The following ITGA8 variants were observed in gnomAD, a reference collection of about 807,000 sequenced individuals.
The protein encoded by ITGA8 is integrin alpha-8.
ITGA8 carries 91 observed loss-of-function variants against 142.3 expected under a neutral mutation model. The observed-to-expected ratio is 0.64, with a 90% CI of 0.54 to 0.76. The LOEUF (loss-of-function observed/expected upper bound fraction) is 0.76. ITGA8 is among the 30% of genes least tolerant of loss of function. The pLI, the probability that ITGA8 is intolerant of heterozygous loss-of-function variation, is 0.00. For synonymous variants in ITGA8, 505 were observed against 485.2 expected, an observed-to-expected ratio of 1.04 and a Z score of -0.54; for missense variants, 1,406 against 1,327.7, an observed-to-expected ratio of 1.06 and a Z score of -0.92.
chr10:15,655,545 G>T, intron 10 of ITGA8, 139 bp from the exon 11 acceptor site: 1 of 665,388 alleles, frequency 1.5e-6, no homozygotes, highest in Non-Finnish European at 2.7e-6. Flanking sequence ...AGTGGCCAGG[G>T]TCTTTTTGCC....
At chr10:15,691,018 A>G (rs1293899086) in intron 2 of ITGA8, among the ~76,000 whole-genome samples, 1 of 152,236 alleles carries the variant, frequency 6.6e-6, no homozygotes. Context: ...CCTGATTAAA[A>G]ATTAGTCAAA....
intron 21 of ITGA8, among the ~76,000 whole-genome samples, chr10:15,595,825 G>A (rs781367728): frequency 2.5e-4 from 38 of 152,218 alleles, no homozygotes; most frequent in Non-Finnish European, 4.6e-4. Flanking sequence ...CAGCACTTTC[G>A]GAGGCCAAGG....
intron 13 of ITGA8, among the ~76,000 whole-genome samples, chr10:15,620,793 A>C (rs1350866822): frequency 1.3e-5 from 2 of 152,232 alleles, no homozygotes; most frequent in African/African-American, 4.8e-5. Flanking sequence ...TACACACATA[A>C]GTATAGAAGT....
At chr10:15,554,872 C>G (rs1476633475) in intron 26 of ITGA8, among the ~76,000 whole-genome samples, 4 of 151,746 alleles carry the variant, frequency 2.6e-5, no homozygotes, top group African/African-American at 9.7e-5. Context: ...AAGCAAAAAC[C>G]TTTTTTGCAA....
chr10:15,538,713 T>C (rs1833505972), intron 27 of ITGA8, among the ~76,000 whole-genome samples: 1 of 152,082 alleles, frequency 6.6e-6, no homozygotes, highest in South Asian at 2.1e-4. Flanking sequence ...AATGACATCA[T>C]TTTTGTTCAG....
intron 13 of ITGA8, among the ~76,000 whole-genome samples, chr10:15,619,450 G>A (rs534458961): frequency 2.0e-5 from 3 of 152,070 alleles, no homozygotes; most frequent in Admixed American, 6.5e-5. Context: ...CAAATAAGTC[G>A]AACAGACGTC....
At chr10:15,684,663 G>A (rs1480559884) in intron 3 of ITGA8, among the ~76,000 whole-genome samples, 2 of 147,714 alleles carry the variant, frequency 1.4e-5, no homozygotes, top group Admixed American at 1.4e-4. Flanking sequence ...AAGAGCCACA[G>A]CACCTAGGCC....
chr10:15,681,096 A>C (rs78713041), intron 4 of ITGA8, among the ~76,000 whole-genome samples: 1,958 of 152,338 alleles, frequency 0.013, 47 homozygotes, highest in African/African-American at 0.044. Context: ...TGACCATGAG[A>C]GCCATAGGCA....
Position 15,668,854 on chromosome 10 carries a change from C to G in ITGA8, c.847+2749G>C, listed in dbSNP as rs12263159. ...AGAATGTTGACTATTGGTCCCCACT[C>G]TCTTCTGGCTAGTAGAGTTTCTGCT... On this transcript the variant is annotated intron_variant, in intron 8 of 29. Transcript: ENST00000378076. 3.3e-3 allele frequency among the ~76,000 whole-genome samples: 504 copies of G among 152,366 alleles called. 1 individual carries two copies. Among genetic ancestry groups the G allele is most frequent in the African/African-American group, 0.012 (479 of 41,586 alleles).
At chr10:15,579,197 G>T (rs1834357457) in intron 23 of ITGA8, among the ~76,000 whole-genome samples, 2 of 151,992 alleles carry the variant, frequency 1.3e-5, no homozygotes, top group African/African-American at 4.8e-5. Flanking sequence ...CTATGTAAAT[G>T]GCTAAAAAGG....
At position 15,644,200 on chromosome 10, in the gene ITGA8, A is replaced by G. The variant is rs371347525; in HGVS notation, c.1229T>C (p.Phe410Ser). ...GYNDIAIGVP[F>S]AGKDQRGKVL... ...TTTGCCTCTTTGATCCTTGCCTGCA[A>G]AAGGCACTCCGATGGCAATGTCTAA... The change falls in exon 13 of 30, where the codon TTT (phenylalanine) becomes TCT (serine). Residue 410 changes from phenylalanine (F) to serine (S), a missense_variant. Phe to Ser is a radical substitution (Grantham distance 155). Coordinates refer to ENST00000378076, the MANE Select transcript of ITGA8 (RefSeq NM_003638.3). 1 of 1,613,798 alleles carries G rather than the reference A, an allele frequency of 6.2e-7. No homozygotes were observed.
intron 13 of ITGA8, among the ~76,000 whole-genome samples, chr10:15,641,911 C>CTTTGGGAGGCT (rs1015678663): frequency 6.6e-6 from 1 of 152,076 alleles, no homozygotes; most frequent in African/African-American, 2.4e-5. Flanking sequence ...GGGCAGATCA[C>CTTTGGGAGGCT]GAGGTCAAGA....
chr10:15,576,884 G>A (rs1393523474), intron 23 of ITGA8, among the ~76,000 whole-genome samples: 1 of 152,144 alleles, frequency 6.6e-6, no homozygotes, highest in African/African-American at 2.4e-5. Flanking sequence ...ATGTTAAGAA[G>A]AACAGGGCAC....
chr10:15,694,798 T>A (rs1835021761), intron 2 of ITGA8, among the ~76,000 whole-genome samples: 1 of 149,762 alleles, frequency 6.7e-6, no homozygotes, highest in South Asian at 2.1e-4. Flanking sequence ...AATATGTTGT[T>A]AGTAGTGACT....
chr10:15,575,642 G>T (rs1305597645), intron 23 of ITGA8, 48 bp from the exon 24 acceptor site: 2 of 1,467,318 alleles, frequency 1.4e-6, no homozygotes, highest in Non-Finnish European at 1.9e-6. Flanking sequence ...CCCAGGTAAA[G>T]AATGTTTTAC....
chr10:15,564,116 G>T lies in ITGA8; in HGVS notation c.2638-5914C>A, dbSNP rs139450854. On this transcript the variant is annotated intron_variant, in intron 25 of 29. Transcript: ENST00000378076. ...AGAATGACAGTGTCACGTGGCAGGG[G>T]TTGATGGAACACATCTCTTTCTTTT... 3.3e-3 allele frequency among the ~76,000 whole-genome samples: 504 copies of T among 152,256 alleles called. 4 individuals are homozygous for T. The highest frequency in any genetic ancestry group is 0.012 in the African/African-American group (494 of 41,538).
intron 10 of ITGA8, among the ~76,000 whole-genome samples, chr10:15,656,328 A>G (rs1431185533): frequency 6.6e-6 from 1 of 152,106 alleles, no homozygotes; most frequent in Non-Finnish European, 1.5e-5. Flanking sequence ...CCATGAGTGT[A>G]CACAGTGTAC....
At chr10:15,607,109 T>C (rs2131610370) in intron 17 of ITGA8, among the ~76,000 whole-genome samples, 1 of 152,180 alleles carries the variant, frequency 6.6e-6, no homozygotes, top group East Asian at 1.9e-4. Flanking sequence ...AGTCCCCTAA[T>C]GGAAAAGAGA....
At chr10:15,610,282 T>C (rs1242261198) in intron 15 of ITGA8, among the ~76,000 whole-genome samples, 3 of 152,202 alleles carry the variant, frequency 2.0e-5, no homozygotes, top group Non-Finnish European at 2.9e-5. Context: ...GTGTTCATGC[T>C]GAATTTAGGA....
Sources: allele counts gnomAD v4.1 joint callset (sites outside exome capture counted in the v4.1 genomes callset), GRCh38; gene constraint gnomAD v4.1.1; transcripts MANE v1.5; gene names NCBI Gene and HGNC (gene_info 2026-07-23, HGNC 2026-07-21).